ENOX1: variants seen among roughly 807,000 people sequenced by gnomAD.
The protein encoded by ENOX1 is ecto-NOX disulfide-thiol exchanger 1.
A neutral mutation model predicts 82.5 loss-of-function variants in ENOX1; 42 were observed. That is an observed-to-expected ratio of 0.51 (90% confidence interval 0.40 to 0.66). The LOEUF is 0.66. Ranked by LOEUF, ENOX1 falls within the 30% of genes least tolerant of loss-of-function variation. ENOX1 has a pLI of 0.00. For synonymous variants in ENOX1, 271 were observed against 282.2 expected, an observed-to-expected ratio of 0.96 and a Z score of 0.40; for missense variants, 608 against 811.6, an observed-to-expected ratio of 0.75 and a Z score of 3.05.
At chr13:43,552,436 C>T (rs1280127396) in intron 2 of ENOX1, among the ~76,000 whole-genome samples, 1 of 152,056 alleles carries the variant, frequency 6.6e-6, no homozygotes, top group Non-Finnish European at 1.5e-5. Context: ...CTTATTCCCT[C>T]CCTTCTTCTT....
intron 1 of ENOX1, among the ~76,000 whole-genome samples, chr13:43,774,886 G>C (rs1260918710): frequency 6.6e-6 from 1 of 151,630 alleles, no homozygotes; most frequent in Non-Finnish European, 1.5e-5. Flanking sequence ...TTTCGCTCTT[G>C]GCACCCAGAC....
chr13:43,678,114 T>C (rs1238180976), intron 1 of ENOX1, among the ~76,000 whole-genome samples: 7 of 152,108 alleles, frequency 4.6e-5, no homozygotes, highest in Admixed American at 3.9e-4. Flanking sequence ...GAAGCTACCA[T>C]CCTGAAAGTG....
intron 14 of ENOX1, among the ~76,000 whole-genome samples, chr13:43,250,353 G>A (rs2043381891): frequency 1.3e-5 from 2 of 152,154 alleles, no homozygotes; most frequent in Admixed American, 1.3e-4. Context: ...CTTTTCAGTT[G>A]TGTGCCCTCT....
chr13:43,349,445 G>C (rs1184413203), intron 8 of ENOX1, among the ~76,000 whole-genome samples: 1 of 152,152 alleles, frequency 6.6e-6, no homozygotes, highest in African/African-American at 2.4e-5. Context: ...GTCACCACTG[G>C]AATCCACGCC....
chr13:43,383,809 T>C (rs1487435388), intron 5 of ENOX1, among the ~76,000 whole-genome samples: 1 of 152,230 alleles, frequency 6.6e-6, no homozygotes, highest in African/African-American at 2.4e-5. Flanking sequence ...GCTAGTAGAA[T>C]GCATGAATTT....
At chr13:43,557,866 A>G (rs893975873) in intron 2 of ENOX1, among the ~76,000 whole-genome samples, 1 of 152,170 alleles carries the variant, frequency 6.6e-6, no homozygotes, top group African/African-American at 2.4e-5. Context: ...CTCAATAATG[A>G]TGAGAAAAAA....
intron 1 of ENOX1, among the ~76,000 whole-genome samples, chr13:43,758,018 T>C (rs1950749832): frequency 1.3e-5 from 2 of 152,138 alleles, no homozygotes; most frequent in Admixed American, 1.3e-4. Flanking sequence ...GCAGATTACT[T>C]CAGGTCAGGA....
At chr13:43,619,441 G>A (rs1381307718) in intron 2 of ENOX1, among the ~76,000 whole-genome samples, 3 of 151,994 alleles carry the variant, frequency 2.0e-5, no homozygotes, top group Admixed American at 2.0e-4. Flanking sequence ...TGATTTTGCT[G>A]AGAATTCTAA....
intron 1 of ENOX1, among the ~76,000 whole-genome samples, chr13:43,700,237 T>C (rs1300791833): frequency 6.6e-6 from 1 of 152,148 alleles, no homozygotes; most frequent in Non-Finnish European, 1.5e-5. Flanking sequence ...AAATAAAACT[T>C]CTTTTGAGTT....
chr13:43,292,080 A>T (rs557624868), intron 12 of ENOX1, among the ~76,000 whole-genome samples: 1 of 152,158 alleles, frequency 6.6e-6, no homozygotes, highest in Admixed American at 6.5e-5. Context: ...TCATGAAGAA[A>T]CCTGTACATA....
Position 43,386,440 on chromosome 13 carries a change from G to A in ENOX1, c.209-24988C>T, listed in dbSNP as rs148550691. On this transcript the variant is annotated intron_variant, in intron 5 of 16. Coordinates refer to ENST00000690772, the MANE Select transcript of ENOX1 (RefSeq NM_001347969.2). Reference sequence around the variant, plus strand: ...GTCTAAAAAGTCTAGTTCAGCCTGGGAACACTCTTCTATGATAAAGGAATG... The same window carrying A: ...GTCTAAAAAGTCTAGTTCAGCCTGGAAACACTCTTCTATGATAAAGGAATG... Among the ~76,000 whole-genome samples the A allele has an allele frequency of 3.9e-5, 6 of 152,200 alleles. No homozygotes were observed. The South Asian group carries it at 1.2e-3, about 32-fold the overall frequency.
intron 2 of ENOX1, among the ~76,000 whole-genome samples, chr13:43,654,344 C>A (rs749303085): frequency 1.3e-5 from 2 of 152,206 alleles, no homozygotes; most frequent in South Asian, 2.1e-4. Context: ...TTTCAGACTG[C>A]TGCCCTGCCC....
intron 1 of ENOX1, among the ~76,000 whole-genome samples, chr13:43,669,348 T>C (rs1594338083): frequency 6.6e-6 from 1 of 152,124 alleles, no homozygotes; most frequent in African/African-American, 2.4e-5. Context: ...ATTTAAACAG[T>C]TCTTATCCCA....
intron 4 of ENOX1, among the ~76,000 whole-genome samples, 191 bp downstream of exon 4, chr13:43,412,654 A>T (rs1228224403): frequency 6.6e-6 from 1 of 152,252 alleles, no homozygotes; most frequent in Non-Finnish European, 1.5e-5. Flanking sequence ...AAGCTTAAGA[A>T]AACACAAAAC....
At chr13:43,443,132 T>C (rs1270960027) in intron 3 of ENOX1, among the ~76,000 whole-genome samples, 2 of 152,192 alleles carry the variant, frequency 1.3e-5, no homozygotes, top group African/African-American at 4.8e-5. Flanking sequence ...ACAGCTCCCT[T>C]AGTGCATTTT....
chr13:43,751,771 C>T (rs1353835763), intron 1 of ENOX1, among the ~76,000 whole-genome samples: 1 of 152,104 alleles, frequency 6.6e-6, no homozygotes, highest in East Asian at 1.9e-4. Context: ...ATGAGTTTGT[C>T]TTTTTACCTG....
At chr13:43,381,690 G>T (rs975765811) in intron 5 of ENOX1, among the ~76,000 whole-genome samples, 4 of 151,846 alleles carry the variant, frequency 2.6e-5, no homozygotes, top group Non-Finnish European at 2.9e-5. Context: ...CATAAGGAAT[G>T]TAACATAACT....
intron 2 of ENOX1, among the ~76,000 whole-genome samples, chr13:43,509,872 C>A (rs1319072626): frequency 3.3e-5 from 5 of 151,906 alleles, no homozygotes; most frequent in Non-Finnish European, 4.4e-5. Flanking sequence ...CAACCCCCAA[C>A]ACCCACCCTT....
At chr13:43,260,351 A>G (rs564823398) in intron 14 of ENOX1, among the ~76,000 whole-genome samples, 1 of 152,322 alleles carries the variant, frequency 6.6e-6, no homozygotes, top group South Asian at 2.1e-4. Context: ...AGCATCACCA[A>G]TTAAACCTCT....
Sources: allele counts gnomAD v4.1 joint callset (sites outside exome capture counted in the v4.1 genomes callset), GRCh38; gene constraint gnomAD v4.1.1; transcripts MANE v1.5; gene names NCBI Gene and HGNC (gene_info 2026-07-23, HGNC 2026-07-21).